The following BMX variants were observed in gnomAD, a reference collection of about 807,000 sequenced individuals.
BMX encodes BMX non-receptor tyrosine kinase.
BMX carries 31 observed loss-of-function variants against 59.2 expected under a neutral mutation model. The ratio of observed to expected loss-of-function variants is 0.52; its 90% confidence interval spans 0.39 to 0.71. BMX has a LOEUF of 0.71. Ranked by LOEUF, BMX falls within the 30% of genes least tolerant of loss-of-function variation. BMX has a pLI of 0.00. For missense variants in BMX, 474 were observed against 491.7 expected (o/e 0.96, Z 0.34); for synonymous variants, 185 against 181.0 (o/e 1.02, Z -0.18).
At chrX:15,505,137 T>A (rs1923694376) in intron 1 of BMX, among the ~76,000 whole-genome samples, 1 of 112,319 alleles carries the variant, frequency 8.9e-6, no homozygotes, top group Non-Finnish European at 1.9e-5. Context: ...ACTATCCTTC[T>A]ATATCAAGAG....
intron 17 of BMX, among the ~76,000 whole-genome samples, chrX:15,548,469 T>A (rs1926048009): frequency 1.8e-5 from 2 of 111,113 alleles, no homozygotes; most frequent in Admixed American, 1.9e-4. Context: ...AAAAAAAAAA[T>A]TAGTTTTGAT....
intron 1 of BMX, among the ~76,000 whole-genome samples, chrX:15,505,785 T>A (rs951082011): frequency 9.0e-6 from 1 of 111,666 alleles, no homozygotes; most frequent in African/African-American, 3.3e-5. Context: ...TGTTCTTCCT[T>A]TCAATACACA....
intron 16 of BMX, among the ~76,000 whole-genome samples, chrX:15,545,459 C>T (rs1194428022): frequency 8.9e-6 from 1 of 112,622 alleles, no homozygotes; most frequent in African/African-American, 3.2e-5. Flanking sequence ...CCTGCCAGCA[C>T]TTGGGAGGGG....
intron 11 of BMX, 134 bp from the exon 12 acceptor site, chrX:15,534,078 G>C: frequency 2.1e-6 from 1 of 487,321 alleles, no homozygotes; most frequent in Non-Finnish European, 3.2e-6. Flanking sequence ...AAAAACACCA[G>C]ATGCCAAGCC....
At chrX:15,530,076 T>TGGGGTCCAGAGGTTGATGCATTTC (rs1924991354) in intron 10 of BMX, 49 bp downstream of exon 10, 1 of 1,122,426 alleles carries the variant, frequency 8.9e-7, no homozygotes, top group Non-Finnish European at 1.2e-6. Flanking sequence ...CTTTGCATTT[T>TGGGGTCCAGAGGTTGATGCATTTC]GGGGTCCAGA....
At chrX:15,531,676 A>G (rs1351762700) in intron 11 of BMX, among the ~76,000 whole-genome samples, 4 of 111,343 alleles carry the variant, frequency 3.6e-5, no homozygotes, top group East Asian at 5.6e-4. Context: ...AGAGCACAGC[A>G]TGCCTCAGTA....
chrX:15,555,153 T>C (rs1324226453), intron 18 of BMX, among the ~76,000 whole-genome samples: 2 of 109,147 alleles, frequency 1.8e-5, no homozygotes, highest in Non-Finnish European at 3.8e-5. Context: ...AGTTGGGAAA[T>C]TTGACATCTT....
chrX:15,553,252 G>A (rs1018746197), intron 18 of BMX, among the ~76,000 whole-genome samples: 3 of 112,041 alleles, frequency 2.7e-5, no homozygotes, highest in Admixed American at 9.4e-5. Context: ...CTCACACAAC[G>A]AGTGCTCTCA....
chrX:15,543,704 G>C (rs1925810614), intron 16 of BMX, among the ~76,000 whole-genome samples: 1 of 110,699 alleles, frequency 9.0e-6, no homozygotes, highest in Admixed American at 9.6e-5. Flanking sequence ...AATTTTTGTT[G>C]TCACATCATT....
At chrX:15,539,710 T>G (rs772581727) in intron 14 of BMX, among the ~76,000 whole-genome samples, 8 of 112,609 alleles carry the variant, frequency 7.1e-5, no homozygotes, top group African/African-American at 9.7e-5. Context: ...CATTACAGAA[T>G]AATCCTGTAA....
rs867925173 is a variant in BMX, at chrX:15,551,547, T to A, written c.1953+1550T>A. Among the ~76,000 whole-genome samples the A allele has an allele frequency of 4.6e-3, 464 of 101,205 alleles. 1 individual carries two copies. The highest frequency in any genetic ancestry group is 0.016 in the African/African-American group (410 of 26,198). 87.9% of individuals were successfully genotyped at this position (101,205 alleles called of 115,157 possible). A position where few individuals can be genotyped will look rare whatever the true frequency, so the allele number is the denominator to read the frequency against. ...TGTGTGTGTATATATATATATATTT[T>A]TTTTTTTTTACAAAGCATCTATGCA... On this transcript the variant is annotated intron_variant, in intron 18 of 18. Transcript: ENST00000348343.
intron 13 of BMX, among the ~76,000 whole-genome samples, chrX:15,536,641 A>G (rs761636868): frequency 3.3e-4 from 36 of 110,163 alleles, no homozygotes; most frequent in Non-Finnish European, 5.7e-4. Context: ...GAAGATCATC[A>G]ATTTGTTTTC....
chrX:15,534,941 C>T (rs1165364820), intron 12 of BMX, among the ~76,000 whole-genome samples: 1 of 111,156 alleles, frequency 9.0e-6, no homozygotes, highest in Non-Finnish European at 1.9e-5. Context: ...TCACCTAGCC[C>T]TCTGTTGATT....
chrX:15,522,671 T>G, intron 7 of BMX, 84 bp downstream of exon 7: 1 of 1,144,156 alleles, frequency 8.7e-7, no homozygotes, highest in East Asian at 3.0e-5. Context: ...TCAAAGCTGT[T>G]GATCCAGGTC....
chrX:15,535,467 T>C (rs1925286013), intron 12 of BMX, among the ~76,000 whole-genome samples: 1 of 111,962 alleles, frequency 8.9e-6, no homozygotes, highest in South Asian at 3.7e-4. Context: ...ACCTCAGAAG[T>C]ACCTTTTGTA....
At chrX:15,531,558 C>T (rs1925073698) in intron 11 of BMX, 151 bp downstream of exon 11, 2 of 484,099 alleles carry the variant, frequency 4.1e-6, no homozygotes, top group Non-Finnish European at 6.9e-6. Context: ...TTGTAGTTGC[C>T]TCCACCACTC....
At chrX:15,510,379 G>GA (rs1923906343) in intron 3 of BMX, among the ~76,000 whole-genome samples, 1 of 111,482 alleles carries the variant, frequency 9.0e-6, no homozygotes, top group Non-Finnish European at 1.9e-5. Context: ...TTCCCATTTG[G>GA]AAAAAATATT....
chrX:15,532,993 C>G (rs1189499497), intron 11 of BMX, among the ~76,000 whole-genome samples: 1 of 112,203 alleles, frequency 8.9e-6, no homozygotes, highest in Non-Finnish European at 1.9e-5. Context: ...TTTAAGGTAG[C>G]CAGGTAGATA....
At position 15,546,783 on chromosome X, in the gene BMX, T is replaced by G; in HGVS notation, c.1677-20T>G. On this transcript the variant is annotated intron_variant, in intron 16 of 18. Transcript: ENST00000348343. ...TACCACCACGGCTTAAGGTCTGTGT[T>G]GATGTGTTTTCCCTGGCAGGTATGT... is the stretch of plus-strand genomic sequence containing the variant. 2 of 1,176,324 alleles carry G rather than the reference T, an allele frequency of 1.7e-6. No homozygotes were observed. Among genetic ancestry groups the G allele is most frequent in the African/African-American group, 3.5e-5 (2 of 57,036 alleles).
Sources: gnomAD v4.1 joint callset for allele counts (sites outside exome capture counted in the v4.1 genomes callset) on GRCh38, gnomAD v4.1.1 for gene constraint, MANE v1.5 for transcripts, NCBI Gene and HGNC (gene_info 2026-07-23, HGNC 2026-07-21) for gene names.